Variants in PKHD1 observed in about 807,000 individuals in gnomAD.
PKHD1 encodes the protein fibrocystin.
A neutral mutation model predicts 412.0 loss-of-function variants in PKHD1; 291 were observed. The observed-to-expected ratio is 0.71, with a 90% CI of 0.64 to 0.78. The LOEUF (loss-of-function observed/expected upper bound fraction) is 0.78. Among genes scored for constraint, PKHD1 ranks in the 30% least tolerant of loss-of-function variants. PKHD1 has a pLI of 0.00. For synonymous variants in PKHD1, 1,777 were observed against 1,821.5 expected (o/e 0.98, Z 0.62); for missense variants, 4,825 against 4,950.7 (o/e 0.97, Z 0.76).
intron 23 of PKHD1, among the ~76,000 whole-genome samples, chr6:52,047,261 T>C (rs999556299): frequency 8.5e-5 from 13 of 152,158 alleles, no homozygotes; most frequent in Non-Finnish European, 1.6e-4. Flanking sequence ...GCACGATTGA[T>C]GTTTTTTCCC....
chr6:52,020,563 C>T (rs1284876103), intron 33 of PKHD1, among the ~76,000 whole-genome samples: 1 of 152,140 alleles, frequency 6.6e-6, no homozygotes, highest in African/African-American at 2.4e-5. Flanking sequence ...CGGGTGAGGC[C>T]CTTGCAGCTA....
chr6:51,886,558 G>A (rs548796515), intron 44 of PKHD1, among the ~76,000 whole-genome samples: 6 of 152,272 alleles, frequency 3.9e-5, no homozygotes, highest in African/African-American at 1.4e-4. Context: ...AAGGGCAATA[G>A]TACATCATAT....
At chr6:52,021,804 A>T (rs1439858894) in intron 33 of PKHD1, among the ~76,000 whole-genome samples, 2 of 151,894 alleles carry the variant, frequency 1.3e-5, no homozygotes, top group Middle Eastern at 3.2e-3. Flanking sequence ...ATAAGACAAC[A>T]CAGCACAAAT....
At position 51,871,457 on chromosome 6, in the gene PKHD1, A is replaced by T. The variant is rs374559223; in HGVS notation, c.7351-818T>A. Among the ~76,000 whole-genome samples the T allele has an allele frequency of 3.5e-4, 42 of 118,336 alleles. 4 individuals carry two copies. The highest frequency in any genetic ancestry group is 3.5e-3 in the East Asian group (18 of 5,106). 77.6% of individuals were successfully genotyped at this position (118,336 alleles called of 152,430 possible). ...CATACTATATGACTCCATTTATATG[A>T]CTGTTGAAAAGGCAAAACTATAGTG... On this transcript the variant is annotated intron_variant, in intron 46 of 66. Transcript: ENST00000371117.
chr6:51,940,460 G>A (rs1037148870), intron 36 of PKHD1, among the ~76,000 whole-genome samples: 25 of 151,666 alleles, frequency 1.6e-4, no homozygotes, highest in African/African-American at 6.0e-4. Flanking sequence ...TACTACAAGT[G>A]CTGGAAATCT....
At chr6:51,741,654 G>A (rs1490465174) in intron 60 of PKHD1, among the ~76,000 whole-genome samples, 1 of 152,152 alleles carries the variant, frequency 6.6e-6, no homozygotes, top group Non-Finnish European at 1.5e-5. Context: ...TTGAGCGCCA[G>A]CTTCCACAGT....
chr6:51,823,734 G>T (rs1766850749), intron 52 of PKHD1, among the ~76,000 whole-genome samples: 1 of 152,088 alleles, frequency 6.6e-6, no homozygotes, highest in Non-Finnish European at 1.5e-5. Context: ...ATGAAGAAAA[G>T]CATATATAGT....
At chr6:51,939,054 T>G (rs2474886) in intron 36 of PKHD1, among the ~76,000 whole-genome samples, 1 of 151,160 alleles carries the variant, frequency 6.6e-6, no homozygotes. Context: ...TGCGGGGATG[T>G]CTGCCTGATT....
rs376795140 is a variant in PKHD1 at position 51,891,197 on chromosome 6, A to AT, written c.6997-3953dup. Among the ~76,000 whole-genome samples, 648 of 152,296 alleles carry AT rather than the reference A, an allele frequency of 4.3e-3. 5 individuals are homozygous for AT. Among genetic ancestry groups the AT allele is most frequent in the African/African-American group, 0.014 (602 of 41,554 alleles). On this transcript the variant is annotated intron_variant, in intron 43 of 66. Transcript: ENST00000371117. ...CTCATTTCATCCTATGGCTTCAGTC[A>AT]TTCTAGACTAATATTTTTATTGACT...
chr6:51,721,206 A>G (rs1424575934), intron 60 of PKHD1: 4 of 940,802 alleles, frequency 4.3e-6, no homozygotes, highest in Non-Finnish European at 5.1e-6. Context: ...CTGATTTTGC[A>G]ATTCAAAAAA....
chr6:51,797,430 A>G (rs9370059), intron 52 of PKHD1, among the ~76,000 whole-genome samples: 89,665 of 151,844 alleles, frequency 0.59, 27,133 homozygotes, highest in East Asian at 0.83. Context: ...TTGTGTGGGA[A>G]TCTAAGTCTC....
intron 49 of PKHD1, among the ~76,000 whole-genome samples, chr6:51,853,009 G>A (rs917589754): frequency 3.9e-5 from 6 of 152,000 alleles, no homozygotes; most frequent in Non-Finnish European, 8.8e-5. Flanking sequence ...TAGTGTCATT[G>A]GTCTTTATAT....
At chr6:51,852,966 T>C (rs763062915) in intron 49 of PKHD1, among the ~76,000 whole-genome samples, 3 of 152,168 alleles carry the variant, frequency 2.0e-5, no homozygotes, top group Admixed American at 1.3e-4. Context: ...TATAATTTAG[T>C]TATTTTGCAC....
intron 60 of PKHD1, among the ~76,000 whole-genome samples, chr6:51,712,532 T>C (rs1780779359): frequency 6.6e-6 from 1 of 152,206 alleles, no homozygotes; most frequent in South Asian, 2.1e-4. Context: ...AATTTTAATA[T>C]TGATTATTTT....
rs397803732 is a variant in PKHD1 at position 52,066,102 on chromosome 6, A to AAG, written c.779-26_779-25insCT. On this transcript the variant is annotated intron_variant, in intron 11 of 66. Coordinates refer to ENST00000371117, the MANE Select transcript of PKHD1 (RefSeq NM_138694.4). ...TCTGCAAGAGTTAAAAAAAAAAAAA[A>AAG]GTAAGCTTCCAAATATAGACCAGAA... 8 of 1,104,142 alleles carry AAG rather than the reference A, an allele frequency of 7.2e-6. No individual in the cohort carries two copies. The African/African-American group carries it at 1.1e-4, about 15-fold the overall frequency. 68.4% of individuals were successfully genotyped at this position (1,104,142 alleles called of 1,614,324 possible).
intron 6 of PKHD1, among the ~76,000 whole-genome samples, chr6:52,074,169 C>T (rs115397373): frequency 8.0e-4 from 122 of 152,300 alleles, no homozygotes; most frequent in African/African-American, 2.8e-3. Context: ...GAAAAGCATA[C>T]TGAGGGACTC....
intron 61 of PKHD1, among the ~76,000 whole-genome samples, chr6:51,656,619 G>A (rs532362431): frequency 1.1e-4 from 16 of 150,080 alleles, no homozygotes; most frequent in African/African-American, 2.2e-4. Flanking sequence ...TGGCTACTCC[G>A]TTTCTTCCCA....
At chr6:51,935,346 T>C (rs1279068564) in intron 36 of PKHD1, among the ~76,000 whole-genome samples, 4 of 152,234 alleles carry the variant, frequency 2.6e-5, no homozygotes, top group Non-Finnish European at 5.9e-5. Context: ...TTATAATATC[T>C]TTCTTTAAAA....
intron 60 of PKHD1, among the ~76,000 whole-genome samples, chr6:51,713,892 C>A (rs534218384): frequency 6.6e-6 from 1 of 152,260 alleles, no homozygotes; most frequent in South Asian, 2.1e-4. Flanking sequence ...CAAAGTGGAA[C>A]CCTCTTTAGC....
Sources: gnomAD v4.1 joint callset for allele counts (sites outside exome capture counted in the v4.1 genomes callset) on GRCh38, gnomAD v4.1.1 for gene constraint, MANE v1.5 for transcripts, NCBI Gene and HGNC (gene_info 2026-07-23, HGNC 2026-07-21) for gene names.